Variants in INSL6 observed in about 807,000 individuals in gnomAD.
INSL6 encodes the protein insulin like 6, also known as insulin-like peptide INSL6.
INSL6 carries 16 observed loss-of-function variants against 9.4 expected under a neutral mutation model. That is an observed-to-expected ratio of 1.70 (90% CI 1.15 to 2.59). The LOEUF (loss-of-function observed/expected upper bound fraction) is 2.59. Among genes scored for constraint, INSL6 ranks in the 30% most tolerant of loss-of-function variants. The pLI, the probability that INSL6 is intolerant of heterozygous loss-of-function variation, is 0.00. For synonymous variants in INSL6, 154 were observed against 96.9 expected, an observed-to-expected ratio of 1.59 and a Z score of -3.46; for missense variants, 391 against 257.3, an observed-to-expected ratio of 1.52 and a Z score of -3.56.
intron 2 of INSL6, among the ~76,000 whole-genome samples, chr9:5,139,859 T>A (rs768899853): frequency 1.8e-4 from 28 of 152,208 alleles, no homozygotes; most frequent in Non-Finnish European, 2.8e-4. Context: ...CAAATTTTAA[T>A]CATTTAACAA....
the INSL6 span, among the ~76,000 whole-genome samples, chr9:5,060,333 C>T: frequency 6.6e-6 from 1 of 152,134 alleles, no homozygotes; most frequent in African/African-American, 2.4e-5. Flanking sequence ...CTCTTCATTT[C>T]GTTAAAGTTG....
the INSL6 span, among the ~76,000 whole-genome samples, chr9:5,009,073 C>T: frequency 2.6e-5 from 4 of 152,092 alleles, no homozygotes; most frequent in Non-Finnish European, 5.9e-5. Context: ...TATGCACAGC[C>T]ACTTGCAAAC....
intron 1 of INSL6, among the ~76,000 whole-genome samples, chr9:5,182,178 AC>A (rs1485598874): frequency 1.3e-5 from 2 of 152,258 alleles, no homozygotes; most frequent in East Asian, 3.9e-4. Flanking sequence ...GGTGTTCAAA[AC>A]TGAATAAATC....
the INSL6 span, among the ~76,000 whole-genome samples, chr9:5,083,019 G>A: frequency 1.3e-5 from 2 of 152,292 alleles, no homozygotes; most frequent in Middle Eastern, 6.8e-3. Context: ...CTTTTCAGAG[G>A]CTTTAACATG....
At chr9:5,139,927 A>C (rs1318986788) in intron 2 of INSL6, among the ~76,000 whole-genome samples, 3 of 152,194 alleles carry the variant, frequency 2.0e-5, no homozygotes, top group Non-Finnish European at 4.4e-5. Context: ...GGTGAACAAA[A>C]ATGTGTCAGA....
the INSL6 span, among the ~76,000 whole-genome samples, chr9:5,062,292 C>A: frequency 1.3e-5 from 2 of 151,720 alleles, no homozygotes; most frequent in Non-Finnish European, 2.9e-5. Flanking sequence ...GTAACTAATC[C>A]CCCTTGTATT....
the INSL6 span, chr9:5,055,644 T>C: frequency 6.6e-7 from 1 of 1,511,902 alleles, no homozygotes; most frequent in Non-Finnish European, 9.1e-7. Context: ...TACCCGTTTT[T>C]AATTTTACAT....
chr9:4,998,217 A>G, the INSL6 span, among the ~76,000 whole-genome samples: 1 of 151,990 alleles, frequency 6.6e-6, no homozygotes, highest in East Asian at 1.9e-4. Flanking sequence ...ATATGATGGT[A>G]TTGAAATGAG....
At chr9:5,165,612 T>C (rs1203197370) in intron 1 of INSL6, among the ~76,000 whole-genome samples, 2 of 152,224 alleles carry the variant, frequency 1.3e-5, no homozygotes, top group South Asian at 2.1e-4. Flanking sequence ...AATTTGATAA[T>C]TTGTCTTCTT....
downstream of INSL6, among the ~76,000 whole-genome samples, chr9:5,158,976 C>T (rs1455389314): frequency 6.6e-6 from 1 of 151,962 alleles, no homozygotes; most frequent in African/African-American, 2.4e-5. Context: ...ATAGACACAA[C>T]AAAAAGTTAA....
At chr9:5,129,262 T>C (rs560005426) in intron 3 of INSL6, among the ~76,000 whole-genome samples, 4 of 152,190 alleles carry the variant, frequency 2.6e-5, no homozygotes, top group Admixed American at 1.3e-4. Flanking sequence ...TCCCCCTAAA[T>C]TGAAATAGTG....
chr9:5,122,620 C>A (rs1033727815), downstream of INSL6, among the ~76,000 whole-genome samples: 5 of 152,052 alleles, frequency 3.3e-5, no homozygotes, highest in Middle Eastern at 3.2e-3. Flanking sequence ...GGAAGACTCA[C>A]AGGACTCAGC....
the INSL6 span, among the ~76,000 whole-genome samples, chr9:5,012,382 A>T: frequency 1.2e-4 from 18 of 152,058 alleles, no homozygotes; most frequent in Non-Finnish European, 2.5e-4. Flanking sequence ...ATATATTTTT[A>T]AAAAGTTTAT....
chr9:5,079,183 G>T, the INSL6 span, among the ~76,000 whole-genome samples: 3 of 152,130 alleles, frequency 2.0e-5, no homozygotes, highest in Non-Finnish European at 4.4e-5. Flanking sequence ...TTCTTACAGG[G>T]TCTTACATCT....
At chr9:5,036,961 C>T in the INSL6 span, among the ~76,000 whole-genome samples, 1 of 152,202 alleles carries the variant, frequency 6.6e-6, no homozygotes, top group Admixed American at 6.5e-5. Context: ...GTAATCTACT[C>T]ATCTGATAAA....
the INSL6 span, among the ~76,000 whole-genome samples, chr9:5,074,078 C>T: frequency 4.6e-5 from 7 of 152,052 alleles, no homozygotes; most frequent in South Asian, 1.5e-3. Context: ...ATGGCAGGTT[C>T]AACATAACAT....
the INSL6 span, chr9:5,113,653 C>A: frequency 6.1e-6 from 1 of 163,718 alleles, no homozygotes. Flanking sequence ...CAGGCTACTT[C>A]CTGAAGTCAG....
chr9:5,121,777 T>C (rs905686602), downstream of INSL6, among the ~76,000 whole-genome samples: 4 of 152,156 alleles, frequency 2.6e-5, no homozygotes, highest in African/African-American at 7.2e-5. Context: ...TTTTGTTCTT[T>C]TTAAATTTGT....
intron 1 of INSL6, among the ~76,000 whole-genome samples, chr9:5,166,167 G>A (rs1204591841): frequency 1.3e-5 from 2 of 152,236 alleles, no homozygotes; most frequent in Non-Finnish European, 2.9e-5. Flanking sequence ...ATAAACACAC[G>A]GAAAAGATTC....
Sources: gnomAD v4.1 joint callset for allele counts (sites outside exome capture counted in the v4.1 genomes callset) on GRCh38, gnomAD v4.1.1 for gene constraint, MANE v1.5 for transcripts, NCBI Gene and HGNC (gene_info 2026-07-23, HGNC 2026-07-21) for gene names.